Variants in HIPK1 observed in about 807,000 individuals in gnomAD.
HIPK1 encodes homeodomain interacting protein kinase 1.
In HIPK1, 28 loss-of-function variants were observed where a neutral mutation model predicts 117.1. That is an observed-to-expected ratio of 0.24 (90% CI 0.18 to 0.33). The LOEUF is 0.33. HIPK1 is among the 10% of genes least tolerant of loss of function. The probability of loss-of-function intolerance (pLI) is 1.00; values close to 1 mark genes in which losing one functional copy is unlikely to be tolerated. For synonymous variants in HIPK1, 605 were observed against 562.5 expected, an observed-to-expected ratio of 1.08 and a Z score of -1.07; for missense variants, 1,122 against 1,475.1, an observed-to-expected ratio of 0.76 and a Z score of 3.92.
At position 113,976,170 on chromosome 1, in the gene HIPK1, C is replaced by G. The variant is rs1385258861; in HGVS notation, c.*2658C>G. 1 of 152,716 alleles carries G rather than the reference C, an allele frequency of 6.5e-6. No homozygotes were observed. 9.5% of individuals were successfully genotyped at this position (152,716 alleles called of 1,614,324 possible). A position where few individuals can be genotyped will look rare whatever the true frequency, so the allele number is the denominator to read the frequency against. ...GGGGCAGGTAGTCCGTACAGCCTAC[C>G]AGGAACATGTTGTGTTTTCTTTATT... On this transcript the variant is annotated 3_prime_UTR_variant, in exon 16 of 16. Transcript: ENST00000426820.
chr1:113,950,860 G>T (rs1163839142), intron 2 of HIPK1, among the ~76,000 whole-genome samples: 1 of 152,094 alleles, frequency 6.6e-6, no homozygotes, highest in East Asian at 1.9e-4. Context: ...ACCTCTTAGT[G>T]CCAGTTTCTT....
At chr1:113,971,514 T>C (rs1221902533) in intron 14 of HIPK1, among the ~76,000 whole-genome samples, 2 of 152,228 alleles carry the variant, frequency 1.3e-5, no homozygotes, top group Non-Finnish European at 2.9e-5. Context: ...TACATAAAAC[T>C]ATAAACTCTT....
chr1:113,972,004 C>T (rs1672864529), intron 15 of HIPK1, 50 bp downstream of exon 15: 2 of 1,612,684 alleles, frequency 1.2e-6, no homozygotes, highest in Admixed American at 1.7e-5. Context: ...ACTGTTGTTA[C>T]TTTCTGGAGA....
At chr1:113,954,567 A>G in intron 3 of HIPK1, 84 bp from the exon 4 acceptor site, 3 of 1,432,368 alleles carry the variant, frequency 2.1e-6, no homozygotes, top group South Asian at 1.2e-5. Flanking sequence ...TCCTTTGCCT[A>G]AAGTTAATGA....
chr1:113,968,584 G>A lies in HIPK1; in HGVS notation c.2707G>A (p.Val903Met). The A allele has an allele frequency of 6.2e-7, 1 of 1,614,140 alleles. No homozygotes were observed. The highest frequency in any genetic ancestry group is 2.2e-5 in the East Asian group (1 of 44,888). ...CATTCCAGATACTCCCAGCCCTCCT[G>A]TGAGTGTCATCACTATCCGAAGTGA... ...IIIPDTPSPP[V>M]SVITIRSDTD... Residue 903 changes from valine (V) to methionine (M), a missense_variant, in exon 13 of 16, where the codon GTG becomes ATG. Physicochemically the swap from Val to Met is conservative, Grantham distance 21. Coordinates refer to ENST00000426820, the MANE Select transcript of HIPK1 (RefSeq NM_198268.3).
At position 113,974,141 on chromosome 1, in the gene HIPK1, T is replaced by A. The variant is rs1673018016; in HGVS notation, c.*629T>A. On this transcript the variant is annotated 3_prime_UTR_variant, in exon 16 of 16. Coordinates refer to ENST00000426820, the MANE Select transcript of HIPK1 (RefSeq NM_198268.3). ...CAATTGTTATTTTTGCAAAACTGGT[T>A]ACGTATTACTCTGTGTTACTATTGA... The A allele has an allele frequency of 6.6e-6, 1 of 152,328 alleles. No homozygotes were observed. Among genetic ancestry groups the A allele is most frequent in the Admixed American group, 6.5e-5 (1 of 15,284 alleles). 9.4% of individuals were successfully genotyped at this position (152,328 alleles called of 1,614,324 possible).
At position 113,973,923 on chromosome 1, in the gene HIPK1, T is replaced by C. The variant is rs115868927; in HGVS notation, c.*411T>C. On this transcript the variant is annotated 3_prime_UTR_variant, in exon 16 of 16. Coordinates refer to ENST00000426820, the MANE Select transcript of HIPK1 (RefSeq NM_198268.3). ...TTTCATTTTGTGTTATTGTGATTGC[T>C]GGTCAGGAAAAATGCTGATAGAAGG... 548 of 156,526 alleles carry C rather than the reference T, an allele frequency of 3.5e-3. 3 individuals carry two copies. The highest frequency in any genetic ancestry group is 0.012 in the African/African-American group (489 of 41,766). 9.7% of individuals were successfully genotyped at this position (156,526 alleles called of 1,614,324 possible). A position where few individuals can be genotyped will look rare whatever the true frequency, so the allele number is the denominator to read the frequency against.
intron 2 of HIPK1, among the ~76,000 whole-genome samples, chr1:113,944,322 C>T (rs545492139): frequency 2.6e-5 from 4 of 151,414 alleles, no homozygotes; most frequent in African/African-American, 9.7e-5. Flanking sequence ...TGCCACCACA[C>T]CCAGCTAATT....
At position 113,970,190 on chromosome 1, in the gene HIPK1, G is replaced by C. The variant is rs773586753; in HGVS notation, c.3006G>C (p.Gln1002His). Residue 1002 changes from glutamine (Q) to histidine (H), a missense_variant, in exon 14 of 16, where the codon CAG (glutamine) becomes CAC (histidine). By Grantham distance (24) the Gln-to-His change is conservative. This residue lies in a region of HIPK1 where 731 missense variants were observed against 860.4 expected (regional missense o/e 0.85). Transcript: ENST00000426820. ...TQLGDCTVAT[Q>H]ASGLLSNKTK... is the part of the protein sequence containing the mutation. The stretch of plus-strand genomic sequence containing the variant: ...TTGGTGACTGCACTGTAGCAACCCA[G>C]GCCTCAGGTCAGTGTTATCTTCACA... 1 of 1,614,018 alleles carries C rather than the reference G, an allele frequency of 6.2e-7. No individual in the cohort carries two copies. The highest frequency in any genetic ancestry group is 1.7e-5 in the Admixed American group (1 of 60,008).
At position 113,962,467 on chromosome 1, in the gene HIPK1, G is replaced by A. The variant is rs376169389; in HGVS notation, c.2103+29G>A. 32 of 1,605,824 alleles carry A rather than the reference G, an allele frequency of 2.0e-5. 1 individual carries two copies. Among genetic ancestry groups the A allele is most frequent in the Middle Eastern group, 1.7e-4 (1 of 6,028 alleles). On this transcript the variant is annotated intron_variant, in intron 9 of 15. Coordinates refer to ENST00000426820, the MANE Select transcript of HIPK1 (RefSeq NM_198268.3). ...AAAGCTAGAGCAATGTGGATACTCA[G>A]TATTGCTAAACACTATTGAGATTCA...
chr1:113,952,686 A>G (rs1671444878), intron 2 of HIPK1, 80 bp from the exon 3 acceptor site: 2 of 1,100,048 alleles, frequency 1.8e-6, no homozygotes, highest in African/African-American at 1.6e-5. Flanking sequence ...AGCTAATACT[A>G]AAACAGGACT....
In HIPK1 at chr1:113,941,846, A is replaced by G. The variant is rs1348193797; in HGVS notation, c.1076+387A>G. 1.3e-5 allele frequency among the ~76,000 whole-genome samples: 2 copies of G among 151,834 alleles called. No homozygotes were observed. The highest frequency in any genetic ancestry group is 2.9e-5 in the Non-Finnish European group (2 of 67,976). The stretch of plus-strand genomic sequence containing the variant: ...GTGATATCAGCTCACTGCAAGCCCC[A>G]CCTCCTGGGTTCACGCCATTCTCCT... On this transcript the variant is annotated intron_variant, in intron 2 of 15. Coordinates refer to ENST00000426820, the MANE Select transcript of HIPK1 (RefSeq NM_198268.3). This position sits in a 1 kb window ranked among gnomAD's most constrained non-coding sequence, Gnocchi z 4.9.
rs1297412666 is a variant in HIPK1, at chr1:113,963,498, G to A, written c.2215G>A (p.Val739Ile). The A allele has an allele frequency of 5.0e-6, 8 of 1,614,168 alleles. No individual in the cohort carries two copies. Among genetic ancestry groups the A allele is most frequent in the East Asian group, 2.2e-5 (1 of 44,882 alleles). ...CTGCGCAGCCGGCCGGCCGGCGCTG[G>A]TTGAACAGACTGCCGCTGTACTGGT... ...LSCAAGRPAL[V>I]EQTAAVLQAW... The change falls in exon 10 of 16, where the codon GTT becomes ATT. Residue 739 changes from valine (V) to isoleucine (I), a missense_variant. Val to Ile is a conservative substitution (Grantham distance 29). Around this residue, in one of 6 missense-constraint regions of HIPK1, gnomAD observed 731 missense variants for 860.4 expected, o/e 0.85. Coordinates refer to ENST00000426820, the MANE Select transcript of HIPK1 (RefSeq NM_198268.3).
chr1:113,949,925 A>G (rs1325767579), intron 2 of HIPK1, among the ~76,000 whole-genome samples: 3 of 152,110 alleles, frequency 2.0e-5, no homozygotes, highest in Admixed American at 6.6e-5. Flanking sequence ...AAACAAAACC[A>G]CAGTTCAAAT....
Position 113,970,168 on chromosome 1 carries a change from G to A in HIPK1, c.2984G>A (p.Gly995Asp), listed in dbSNP as rs755805784. 1 of 1,614,166 alleles carries A rather than the reference G, an allele frequency of 6.2e-7. No individual in the cohort carries two copies. Among genetic ancestry groups the A allele is most frequent in the Non-Finnish European group, 8.5e-7 (1 of 1,180,030 alleles). Residue 995 changes from glycine to aspartate, a missense_variant, in exon 14 of 16, where the codon GGT becomes GAT. Physicochemically the swap from Gly to Asp is moderately conservative, Grantham distance 94 (BLOSUM62 -1). Transcript: ENST00000426820. Reference sequence around the variant, plus strand: ...GTGCCTCCACTGAAAACTCAGCTTGGTGACTGCACTGTAGCAACCCAGGCC... The same window carrying A: ...GTGCCTCCACTGAAAACTCAGCTTGATGACTGCACTGTAGCAACCCAGGCC... Reference protein sequence around the residue: ...IIVPPLKTQLGDCTVATQASG... With the variant: ...IIVPPLKTQLDDCTVATQASG...
chr1:113,941,443 C>G lies in HIPK1; in HGVS notation c.1060C>G (p.Gln354Glu). 1 of 1,612,924 alleles carries G rather than the reference C, an allele frequency of 6.2e-7. No homozygotes were observed. The highest frequency in any genetic ancestry group is 8.5e-7 in the Non-Finnish European group (1 of 1,179,150). Residue 354 changes from glutamine (Q) to glutamate (E), a missense_variant, in exon 2 of 16, where the codon CAG (glutamine) becomes GAG (glutamate). By Grantham distance (29) the Gln-to-Glu change is conservative. Coordinates refer to ENST00000426820, the MANE Select transcript of HIPK1 (RefSeq NM_198268.3). The surrounding 1 kb of genome is among the most constrained non-coding windows in gnomAD (Gnocchi z 4.9). ...VSKAVCSTYL[Q>E]SRYYRAPEII... is the part of the protein sequence containing the mutation. ...CAAAGCTGTGTGCTCAACCTACTTA[C>G]AGTCACGTTACTACAGGCAAGTGGC...
At chr1:113,935,730 A>G (rs1246383179) in intron 1 of HIPK1, among the ~76,000 whole-genome samples, 2 of 152,098 alleles carry the variant, frequency 1.3e-5, no homozygotes, top group Non-Finnish European at 2.9e-5. Context: ...CTGGTGTGAG[A>G]TGGTATCTCA....
At chr1:113,945,997 T>C (rs904901863) in intron 2 of HIPK1, among the ~76,000 whole-genome samples, 2 of 152,246 alleles carry the variant, frequency 1.3e-5, no homozygotes, top group African/African-American at 2.4e-5. Context: ...TTCACAGTTT[T>C]ATAAAACTGG....
intron 1 of HIPK1, among the ~76,000 whole-genome samples, chr1:113,935,929 G>C (rs1670217752): frequency 6.6e-6 from 1 of 152,186 alleles, no homozygotes; most frequent in Non-Finnish European, 1.5e-5. Flanking sequence ...TGTTAATTCT[G>C]TTTTTGTTGT....
Sources: gnomAD v4.1 joint callset for allele counts (sites outside exome capture counted in the v4.1 genomes callset) on GRCh38, gnomAD v4.1.1 for gene constraint, gnomAD v4.1.1 regional missense constraint, Gnocchi (gnomAD v3.1) non-coding constraint, MANE v1.5 for transcripts, NCBI Gene and HGNC (gene_info 2026-07-23, HGNC 2026-07-21) for gene names.